The following GLB1L3 variants were observed in gnomAD, a reference collection of about 807,000 sequenced individuals.
GLB1L3 encodes the protein beta-galactosidase-1-like protein 3.
Under a neutral mutation model 89.5 loss-of-function variants are expected in GLB1L3, and 89 were observed. The observed-to-expected ratio is 0.99, with a 90% CI of 0.84 to 1.19. The LOEUF is 1.19. GLB1L3 is among the 50% of genes most tolerant of loss of function. The probability of loss-of-function intolerance (pLI) is 0.00; values close to 1 mark genes in which losing one functional copy is unlikely to be tolerated. For missense variants in GLB1L3, 812 were observed against 813.3 expected (o/e 1.00, Z 0.02); for synonymous variants, 314 against 312.3 (o/e 1.01, Z -0.06).
intron 9 of GLB1L3, among the ~76,000 whole-genome samples, chr11:134,302,543 G>T (rs934884454): frequency 2.6e-5 from 4 of 152,076 alleles, no homozygotes; most frequent in Non-Finnish European, 5.9e-5. Flanking sequence ...TGATCTTAAA[G>T]ATTTCTGTGG....
intron 3 of GLB1L3, among the ~76,000 whole-genome samples, chr11:134,279,835 T>G (rs1468893545): frequency 6.6e-6 from 1 of 152,192 alleles, no homozygotes; most frequent in Non-Finnish European, 1.5e-5. Flanking sequence ...GTTAGTACTC[T>G]CTGTATATTT....
intron 7 of GLB1L3, among the ~76,000 whole-genome samples, chr11:134,290,576 CG>C (rs375879981): frequency 0.016 from 1,677 of 107,036 alleles, 125 homozygotes; most frequent in African/African-American, 0.048. Context: ...CGTCCCCCCC[CG>C]CCAAAAAAAA....
chr11:134,308,229 C>CCATCACCAT (rs1565412539), intron 10 of GLB1L3, among the ~76,000 whole-genome samples: 3 of 25,202 alleles, frequency 1.2e-4, no homozygotes, highest in Admixed American at 3.6e-4. Context: ...ACCATCACCA[C>CCATCACCAT]CACCACCATC....
At chr11:134,308,189 AT>A (rs1942310289) in intron 10 of GLB1L3, among the ~76,000 whole-genome samples, 1 of 117,084 alleles carries the variant, frequency 8.5e-6, no homozygotes, top group Non-Finnish European at 1.7e-5. Flanking sequence ...CATCACCATC[AT>A]CACCATCACC....
rs141665348 is a variant in GLB1L3 at position 134,297,144 on chromosome 11, G to A, written c.876+3935G>A. Among the ~76,000 whole-genome samples the A allele has an allele frequency of 1.9e-4, 29 of 152,162 alleles. No homozygotes were observed. The East Asian group carries it at 5.0e-3, about 26-fold the overall frequency. ...GGAAGCTTGGCCGCTGTATCATTACGTAATATCCCTCTCCCTTGTTCTGAA... is the reference window on the plus strand; with the variant it reads ...GGAAGCTTGGCCGCTGTATCATTACATAATATCCCTCTCCCTTGTTCTGAA... On this transcript the variant is annotated intron_variant, in intron 9 of 19. Coordinates refer to ENST00000431683, the MANE Select transcript of GLB1L3 (RefSeq NM_001080407.3).
At chr11:134,310,082 G>A (rs1019762054) in intron 11 of GLB1L3, 22 of 426,350 alleles carry the variant, frequency 5.2e-5, no homozygotes, top group African/African-American at 3.6e-4. Flanking sequence ...ACGGCCGGGC[G>A]ATACAGACTG....
chr11:134,308,374 C>CCAT (rs1565413398), intron 10 of GLB1L3, among the ~76,000 whole-genome samples: 1 of 44,190 alleles, frequency 2.3e-5, no homozygotes, highest in Non-Finnish European at 4.3e-5. Flanking sequence ...ACCACCACCA[C>CCAT]CACCATCACC....
At chr11:134,312,753 C>T (rs902732034) in intron 14 of GLB1L3, 63 bp from the exon 15 acceptor site, 34 of 1,362,800 alleles carry the variant, frequency 2.5e-5, no homozygotes, top group South Asian at 7.4e-5. Context: ...CCCGAAACCG[C>T]GGCCTCTCTT....
chr11:134,276,448 C>A lies in GLB1L3; in HGVS notation c.-293C>A. 3.0e-6 allele frequency: 1 copy of A among 338,164 alleles called. No individual in the cohort carries two copies. The highest frequency in any genetic ancestry group is 4.9e-5 in the Admixed American group (1 of 20,598). 20.9% of individuals were successfully genotyped at this position (338,164 alleles called of 1,614,324 possible). ...GTCGGGGCGTTACCCCAAGGGCCCT[C>A]CCGCTTCCCCTCCGAGGGCAGAGAG... On this transcript the variant is annotated 5_prime_UTR_variant, in exon 1 of 20. Transcript: ENST00000431683.
chr11:134,288,961 T>A, intron 7 of GLB1L3, 71 bp downstream of exon 7: 1 of 1,063,512 alleles, frequency 9.4e-7, no homozygotes, highest in Non-Finnish European at 1.4e-6. Context: ...GATTCCTGGA[T>A]GCATGAGTGA....
At position 134,277,127 on chromosome 11, in the gene GLB1L3, G is replaced by A; in HGVS notation, c.24-199G>A. 3 of 688,880 alleles carry A rather than the reference G, an allele frequency of 4.4e-6. No individual in the cohort carries two copies. In the South Asian group the frequency reaches 5.2e-5, roughly 12 times the overall value. The allele number at this position is 688,880 out of a possible 1,614,324, so 42.7% of individuals were successfully genotyped here. ...GGTCTAGGACTGAACGTCTGTCCCC[G>A]GCCTTCATCCTGGCTGCAGAGGACT... is the stretch of plus-strand genomic sequence containing the variant. On this transcript the variant is annotated intron_variant, in intron 1 of 19. Transcript: ENST00000431683.
intron 13 of GLB1L3, 57 bp from the exon 14 acceptor site, chr11:134,312,292 A>G: frequency 6.3e-7 from 1 of 1,589,442 alleles, no homozygotes; most frequent in Non-Finnish European, 8.6e-7. Flanking sequence ...GGTCTTAGGA[A>G]GGAGGATCCT....
intron 9 of GLB1L3, among the ~76,000 whole-genome samples, chr11:134,296,608 C>T (rs1188642617): frequency 2.3e-4 from 33 of 145,360 alleles, no homozygotes; most frequent in Non-Finnish European, 3.9e-4. Flanking sequence ...AACCAAACAC[C>T]GCATATTCTC....
At chr11:134,287,876 C>T (rs561674672) in intron 6 of GLB1L3, among the ~76,000 whole-genome samples, 3 of 152,178 alleles carry the variant, frequency 2.0e-5, no homozygotes, top group African/African-American at 7.2e-5. Flanking sequence ...CTTCTCCTTC[C>T]TTAGTGCCCT....
chr11:134,293,242 C>T (rs1941458982), intron 9 of GLB1L3, 33 bp downstream of exon 9: 2 of 1,537,558 alleles, frequency 1.3e-6, no homozygotes, highest in Non-Finnish European at 1.8e-6. Flanking sequence ...GGTTTTACAG[C>T]TCCTCCTACC....
rs756891610 is a variant in GLB1L3 at position 134,277,156 on chromosome 11, C to G, written c.24-170C>G. ...TTCATCCTGGCTGCAGAGGACTGGC[C>G]GGGTGATGCCGCGCTGTCCTGGCCC... On this transcript the variant is annotated intron_variant, in intron 1 of 19. Coordinates refer to ENST00000431683, the MANE Select transcript of GLB1L3 (RefSeq NM_001080407.3). 3.6e-5 allele frequency: 28 copies of G among 784,216 alleles called. No homozygotes were observed. The African/African-American group carries it at 4.4e-4, about 12-fold the overall frequency. The allele number at this position is 784,216 out of a possible 1,614,324, so 48.6% of individuals were successfully genotyped here.
At chr11:134,290,434 G>C (rs542732605) in intron 7 of GLB1L3, among the ~76,000 whole-genome samples, 3 of 151,978 alleles carry the variant, frequency 2.0e-5, no homozygotes, top group African/African-American at 7.2e-5. Flanking sequence ...TTAGCTGGGC[G>C]TGGTGGTGCA....
chr11:134,296,800 C>T (rs868227421), intron 9 of GLB1L3, among the ~76,000 whole-genome samples: 4 of 149,524 alleles, frequency 2.7e-5, no homozygotes, highest in Non-Finnish European at 5.9e-5. Flanking sequence ...ATGTAACTAA[C>T]CTGCACATTG....
chr11:134,276,609 C>CT lies in GLB1L3; in HGVS notation c.-131dup. On this transcript the variant is annotated 5_prime_UTR_variant, in exon 1 of 20. Coordinates refer to ENST00000431683, the MANE Select transcript of GLB1L3 (RefSeq NM_001080407.3). ...GCCTCGGGACGGATTTCTGCCTCGG[C>CT]TGCAGGCGCAGCGCGCAGACCTGAG... 2 of 825,026 alleles carry CT rather than the reference C, an allele frequency of 2.4e-6. No individual in the cohort carries two copies. The highest frequency in any genetic ancestry group is 3.3e-6 in the Non-Finnish European group (2 of 614,406). 51.1% of individuals were successfully genotyped at this position (825,026 alleles called of 1,614,324 possible). A position where few individuals can be genotyped will look rare whatever the true frequency, so the allele number is the denominator to read the frequency against.
Sources: gnomAD v4.1 joint callset for allele counts (sites outside exome capture counted in the v4.1 genomes callset) on GRCh38, gnomAD v4.1.1 for gene constraint, MANE v1.5 for transcripts, NCBI Gene and HGNC (gene_info 2026-07-23, HGNC 2026-07-21) for gene names.